The following CSMD3 variants were observed in gnomAD, a reference collection of about 807,000 sequenced individuals.
The protein encoded by CSMD3 is CUB and sushi domain-containing protein 3.
CSMD3 carries 177 observed loss-of-function variants against 435.2 expected under a neutral mutation model. The ratio of observed to expected loss-of-function variants is 0.41; its 90% confidence interval spans 0.36 to 0.46. CSMD3 has a LOEUF of 0.46. Ranked by LOEUF, CSMD3 falls within the 20% of genes least tolerant of loss-of-function variation. The pLI is 0.34. For missense variants in CSMD3, 4,265 were observed against 4,504.6 expected (o/e 0.95, Z 1.52); for synonymous variants, 1,656 against 1,520.5 (o/e 1.09, Z -2.07).
In CSMD3 at chr8:112,244,527, T is replaced by C. The variant is rs769848687; in HGVS notation, c.10269A>G (p.Val3423=). ...ACCCATGAGATGGAAGGTCCATCCC[T>C]ACGACATTTGCATGAGCAGGAGTTT... ...QPETPAHANV[V]GMDLPSHGYT... The change falls in exon 65 of 71, where the codon GTA becomes GTG. Residue 3423 remains valine, a synonymous_variant. Transcript: ENST00000297405. The C allele has an allele frequency of 6.2e-7, 1 of 1,613,836 alleles. No individual in the cohort carries two copies. The highest frequency in any genetic ancestry group is 8.5e-7 in the Non-Finnish European group (1 of 1,179,764).
chr8:113,098,682 A>C (rs2090239489), intron 5 of CSMD3, 74 bp downstream of exon 5: 1 of 1,003,828 alleles, frequency 1.0e-6, no homozygotes, highest in Non-Finnish European at 1.6e-6. Flanking sequence ...GTAAAAGTCC[A>C]CATTCAGTTG....
chr8:112,421,683 A>G (rs1167599336), intron 32 of CSMD3, among the ~76,000 whole-genome samples: 1 of 147,976 alleles, frequency 6.8e-6, no homozygotes, highest in Non-Finnish European at 1.5e-5. Context: ...TTACATATAT[A>G]TGTATACCTA....
intron 68 of CSMD3, among the ~76,000 whole-genome samples, chr8:112,233,344 T>C (rs7003531): frequency 0.63 from 95,813 of 151,968 alleles, 31,096 homozygotes; most frequent in African/African-American, 0.77. Context: ...TCAGACATTA[T>C]ACTCTGGGTA....
intron 22 of CSMD3, among the ~76,000 whole-genome samples, chr8:112,602,698 T>C (rs966545909): frequency 4.6e-5 from 7 of 151,852 alleles, no homozygotes; most frequent in Non-Finnish European, 8.8e-5. Context: ...ATATTTAGTA[T>C]GTTATATGTA....
At chr8:112,248,817 A>G (rs1050785373) in intron 63 of CSMD3, among the ~76,000 whole-genome samples, 5 of 151,934 alleles carry the variant, frequency 3.3e-5, no homozygotes, top group Admixed American at 1.3e-4. Flanking sequence ...TTTTTTCTTT[A>G]TGTTATCTCA....
chr8:112,436,704 T>C (rs555981385), intron 32 of CSMD3, among the ~76,000 whole-genome samples: 3 of 152,092 alleles, frequency 2.0e-5, no homozygotes, highest in Non-Finnish European at 4.4e-5. Context: ...TATACAGATA[T>C]ACACACACAC....
intron 31 of CSMD3, among the ~76,000 whole-genome samples, chr8:112,490,706 A>G (rs1820604114): frequency 6.6e-6 from 1 of 152,166 alleles, no homozygotes; most frequent in African/African-American, 2.4e-5. Flanking sequence ...TATAGTTTCC[A>G]AATGATCATT....
At chr8:112,351,150 A>G (rs1367132845) in intron 40 of CSMD3, 25 bp downstream of exon 40, 4 of 1,371,900 alleles carry the variant, frequency 2.9e-6, no homozygotes, top group Non-Finnish European at 3.1e-6. Flanking sequence ...TTCTAGGGTA[A>G]ATACTTTATA....
intron 11 of CSMD3, among the ~76,000 whole-genome samples, chr8:112,834,728 T>C (rs538921150): frequency 9.2e-5 from 14 of 151,864 alleles, no homozygotes; most frequent in African/African-American, 3.1e-4. Flanking sequence ...TAGTCATAAG[T>C]ATAATAGGAA....
intron 13 of CSMD3, among the ~76,000 whole-genome samples, chr8:112,796,617 G>T (rs977031000): frequency 2.6e-5 from 4 of 151,924 alleles, no homozygotes; most frequent in African/African-American, 7.2e-5. Flanking sequence ...CCATTGAAAA[G>T]AACTCTCTTT....
intron 4 of CSMD3, among the ~76,000 whole-genome samples, chr8:113,118,291 C>CAT (rs2090894361): frequency 6.6e-6 from 1 of 152,108 alleles, no homozygotes; most frequent in Admixed American, 6.6e-5. Flanking sequence ...TGACTTATGG[C>CAT]ATATATCTAA....
chr8:112,675,001 G>A (rs2075741176), intron 16 of CSMD3, among the ~76,000 whole-genome samples: 1 of 152,102 alleles, frequency 6.6e-6, no homozygotes, highest in South Asian at 2.1e-4. Flanking sequence ...CATTGGAAGT[G>A]GGATGGCAGA....
chr8:112,357,086 G>A (rs1826690826), intron 38 of CSMD3, among the ~76,000 whole-genome samples: 1 of 152,132 alleles, frequency 6.6e-6, no homozygotes, highest in Non-Finnish European at 1.5e-5. Flanking sequence ...GGGAAAGTTT[G>A]GAACTTCCTA....
At chr8:112,966,380 A>G (rs990293446) in intron 7 of CSMD3, among the ~76,000 whole-genome samples, 4 of 151,614 alleles carry the variant, frequency 2.6e-5, no homozygotes, top group Non-Finnish European at 4.4e-5. Context: ...AAAATAAGAA[A>G]ACAATGCTTA....
chr8:112,391,339 C>T (rs1427370932), intron 35 of CSMD3, among the ~76,000 whole-genome samples: 1 of 152,156 alleles, frequency 6.6e-6, no homozygotes, highest in Non-Finnish European at 1.5e-5. Flanking sequence ...GTACTCTCCA[C>T]ATTCTACAGC....
chr8:112,559,413 G>A (rs532034553), intron 24 of CSMD3, among the ~76,000 whole-genome samples: 2 of 151,994 alleles, frequency 1.3e-5, no homozygotes, highest in South Asian at 2.1e-4. Flanking sequence ...AGAGAAAGCA[G>A]CAGAATAAGC....
At chr8:112,536,860 T>G (rs1826146361) in intron 27 of CSMD3, among the ~76,000 whole-genome samples, 1 of 152,004 alleles carries the variant, frequency 6.6e-6, no homozygotes, top group East Asian at 1.9e-4. Context: ...TGAGTTCATG[T>G]CCTTTGTAGG....
intron 32 of CSMD3, among the ~76,000 whole-genome samples, chr8:112,466,714 T>G (rs1030190645): frequency 7.2e-5 from 11 of 152,108 alleles, no homozygotes; most frequent in African/African-American, 2.7e-4. Flanking sequence ...GGTTAACAAT[T>G]TATGCAGAAA....
At chr8:112,708,646 TC>T (rs368838558) in intron 13 of CSMD3, among the ~76,000 whole-genome samples, 1 of 143,110 alleles carries the variant, frequency 7.0e-6, no homozygotes, top group African/African-American at 2.5e-5. Flanking sequence ...GGGTAATGCT[TC>T]TTTTTTTTTT....
Sources: gnomAD v4.1 joint callset for allele counts (sites outside exome capture counted in the v4.1 genomes callset) on GRCh38, gnomAD v4.1.1 for gene constraint, MANE v1.5 for transcripts, NCBI Gene and HGNC (gene_info 2026-07-23, HGNC 2026-07-21) for gene names.